The following MCPH1 variants were observed in gnomAD, a reference collection of about 807,000 sequenced individuals.
MCPH1 encodes microcephalin.
MCPH1 carries 104 observed loss-of-function variants against 84.5 expected under a neutral mutation model. The observed-to-expected ratio is 1.23, with a 90% CI of 1.05 to 1.45. MCPH1 has a LOEUF of 1.45. MCPH1 is among the 40% of genes most tolerant of loss of function. The probability of loss-of-function intolerance (pLI) is 0.00; values close to 1 mark genes in which losing one functional copy is unlikely to be tolerated. For missense variants in MCPH1, 1,498 were observed against 1,005.7 expected, an observed-to-expected ratio of 1.49 and a Z score of -6.62; for synonymous variants, 514 against 366.8, an observed-to-expected ratio of 1.40 and a Z score of -4.58.
intron 12 of MCPH1, among the ~76,000 whole-genome samples, chr8:6,554,753 G>C (rs1454646271): frequency 6.6e-6 from 1 of 152,170 alleles, no homozygotes; most frequent in Non-Finnish European, 1.5e-5. Flanking sequence ...GGAGCCCTCG[G>C]AGGGAGCGGG....
intron 12 of MCPH1, among the ~76,000 whole-genome samples, chr8:6,611,626 A>ATT (rs144472868): frequency 6.0e-5 from 9 of 150,546 alleles, no homozygotes; most frequent in Admixed American, 4.6e-4. Context: ...ATTTTTTTTT[A>ATT]TTTTTTTTTA....
intron 12 of MCPH1, among the ~76,000 whole-genome samples, chr8:6,567,103 G>A (rs2442538): frequency 0.52 from 59,937 of 116,284 alleles, 12,290 homozygotes; most frequent in East Asian, 0.65. Flanking sequence ...GCAAGGCCAT[G>A]GATAGTGCAC....
Position 6,412,970 on chromosome 8 carries a change from C to G in MCPH1, c.115-1795C>G, listed in dbSNP as rs78895281. ...TCCATTTTTCAAAGACAGCTACTTT[C>G]AAATCATCTGTTTCTTTTGGTATTT... On this transcript the variant is annotated intron_variant, in intron 2 of 13. Coordinates refer to ENST00000344683, the MANE Select transcript of MCPH1 (RefSeq NM_024596.5). 6.7e-3 allele frequency among the ~76,000 whole-genome samples: 1,021 copies of G among 152,300 alleles called. 12 individuals carry two copies. Among genetic ancestry groups the G allele is most frequent in the African/African-American group, 0.023 (945 of 41,556 alleles).
intron 12 of MCPH1, chr8:6,509,079 A>G (rs768835261): frequency 2.5e-6 from 4 of 1,609,508 alleles, no homozygotes; most frequent in East Asian, 2.2e-5. Flanking sequence ...GCGTGCAAAG[A>G]AAAAAAACAC....
At chr8:6,535,841 A>T (rs1406088970) in intron 12 of MCPH1, among the ~76,000 whole-genome samples, 5 of 151,674 alleles carry the variant, frequency 3.3e-5, no homozygotes. Context: ...TGCTCTCAGG[A>T]GTTTGAGACC....
At chr8:6,581,162 C>T (rs1237660654) in intron 12 of MCPH1, among the ~76,000 whole-genome samples, 1 of 152,142 alleles carries the variant, frequency 6.6e-6, no homozygotes, top group Non-Finnish European at 1.5e-5. Flanking sequence ...AGGTGGGGGT[C>T]TTGGAACCCC....
chr8:6,487,504 A>G (rs1810076966), intron 11 of MCPH1, among the ~76,000 whole-genome samples: 1 of 152,230 alleles, frequency 6.6e-6, no homozygotes. Context: ...ATCACCCTGC[A>G]TTCCTAAGTC....
intron 12 of MCPH1, chr8:6,619,090 C>G (rs1563198603): frequency 6.6e-6 from 1 of 151,990 alleles, no homozygotes; most frequent in African/African-American, 2.4e-5. Context: ...ATGCTTAGCG[C>G]AGTCATTTGT....
intron 12 of MCPH1, chr8:6,508,764 T>C: frequency 1.1e-6 from 1 of 938,928 alleles, no homozygotes. Flanking sequence ...ACTTAAAACT[T>C]AGTCTAAAAA....
chr8:6,411,258 A>C (rs538386443), intron 2 of MCPH1, among the ~76,000 whole-genome samples: 1 of 152,178 alleles, frequency 6.6e-6, no homozygotes, highest in African/African-American at 2.4e-5. Flanking sequence ...AACTTAAGCA[A>C]CTGTTACCGT....
chr8:6,409,291 A>C lies in MCPH1; in HGVS notation c.35A>C (p.Tyr12Ser). The change falls in exon 2 of 14, where the codon TAT becomes TCT. Residue 12 changes from tyrosine to serine, a missense_variant. Transcript: ENST00000344683. ...ATCTTGTTTTCAGATGTAGTGGCCT[A>C]TGTTGAAGTGTGGTCATCCAATGGA... ...AAPILKDVVA[Y>S]VEVWSSNGTE... is the part of the protein sequence containing the mutation. 6.2e-7 allele frequency: 1 copy of C among 1,613,516 alleles called. No individual in the cohort carries two copies.
chr8:6,544,812 G>A (rs1167190040), intron 12 of MCPH1, among the ~76,000 whole-genome samples: 1 of 152,150 alleles, frequency 6.6e-6, no homozygotes, highest in African/African-American at 2.4e-5. Flanking sequence ...TATAACATCT[G>A]CTGAACTGTC....
chr8:6,438,073 C>A (rs543294285), intron 5 of MCPH1, among the ~76,000 whole-genome samples: 6 of 152,290 alleles, frequency 3.9e-5, no homozygotes, highest in African/African-American at 1.4e-4. Context: ...TATGATCTGG[C>A]CTCTCTTTCT....
At chr8:6,515,872 G>T (rs1816168401) in intron 12 of MCPH1, among the ~76,000 whole-genome samples, 1 of 152,206 alleles carries the variant, frequency 6.6e-6, no homozygotes, top group African/African-American at 2.4e-5. Context: ...CTAAAGAGGA[G>T]AGCGAAAAGA....
intron 12 of MCPH1, among the ~76,000 whole-genome samples, chr8:6,505,279 T>TAGA (rs1563305537): frequency 1.1e-3 from 28 of 25,558 alleles, no homozygotes; most frequent in East Asian, 7.2e-3. Flanking sequence ...TATGTATACA[T>TAGA]ATATATGTTA....
Position 6,591,906 on chromosome 8 carries a change from C to T in MCPH1, c.2215-29548C>T, listed in dbSNP as rs141435625. ...GGTATATCGTGTTCACTGTAAAATTCCTTACTGTATGTTTAAAATTTTTCA... is the reference window on the plus strand; with the variant it reads ...GGTATATCGTGTTCACTGTAAAATTTCTTACTGTATGTTTAAAATTTTTCA... On this transcript the variant is annotated intron_variant, in intron 12 of 13. Transcript: ENST00000344683. Among the ~76,000 whole-genome samples the T allele has an allele frequency of 7.7e-3, 1,179 of 152,206 alleles. 13 individuals carry two copies. The highest frequency in any genetic ancestry group is 0.027 in the African/African-American group (1,127 of 41,514).
intron 12 of MCPH1, among the ~76,000 whole-genome samples, chr8:6,611,712 G>A (rs903858412): frequency 2.0e-5 from 3 of 152,090 alleles, no homozygotes; most frequent in African/African-American, 4.8e-5. Context: ...TCCGCCTCCC[G>A]GGTTCTCGCC....
At position 6,434,496 on chromosome 8, in the gene MCPH1, C is replaced by G. The variant is rs148692725; in HGVS notation, c.322-1552C>G. Among the ~76,000 whole-genome samples, 606 of 152,242 alleles carry G rather than the reference C, an allele frequency of 4.0e-3. 2 individuals carry two copies. Among genetic ancestry groups the G allele is most frequent in the African/African-American group, 0.014 (583 of 41,534 alleles). On this transcript the variant is annotated intron_variant, in intron 4 of 13. Coordinates refer to ENST00000344683, the MANE Select transcript of MCPH1 (RefSeq NM_024596.5). ...GAAAGCAGTGCAGGCCGGTTCCAAGCCTGTTGAAATGAACCTCCCAAGACA... is the reference window on the plus strand; with the variant it reads ...GAAAGCAGTGCAGGCCGGTTCCAAGGCTGTTGAAATGAACCTCCCAAGACA...
At chr8:6,529,478 G>T in intron 12 of MCPH1, among the ~76,000 whole-genome samples, 1 of 147,108 alleles carries the variant, frequency 6.8e-6, no homozygotes. Flanking sequence ...TTGAGACAGA[G>T]TCTCACTCTG....
Sources: allele counts gnomAD v4.1 joint callset (sites outside exome capture counted in the v4.1 genomes callset), GRCh38; gene constraint gnomAD v4.1.1; transcripts MANE v1.5; gene names NCBI Gene and HGNC (gene_info 2026-07-23, HGNC 2026-07-21).